ANKLE2: variants seen among roughly 807,000 people sequenced by gnomAD.
ANKLE2 encodes ankyrin repeat and LEM domain containing 2.
In ANKLE2, 55 loss-of-function variants were observed where a neutral mutation model predicts 84.2. That is an observed-to-expected ratio of 0.65 (90% confidence interval 0.53 to 0.82). The LOEUF is 0.82. ANKLE2 is among the 40% of genes least tolerant of loss of function. ANKLE2 has a pLI of 0.00. For synonymous variants in ANKLE2, 551 were observed against 486.1 expected (o/e 1.13, Z -1.76); for missense variants, 1,238 against 1,201.9 (o/e 1.03, Z -0.44).
chr12:132,761,683 G>A lies in ANKLE2; in HGVS notation c.116C>T (p.Pro39Leu). The change falls in exon 1 of 13, where the codon CCG becomes CTG. Residue 39 changes from proline to leucine, a missense_variant. Physicochemically the swap from Pro to Leu is moderately conservative, Grantham distance 98 (BLOSUM62 -3). Around this residue, in one of 3 missense-constraint regions of ANKLE2, gnomAD observed 422 missense variants for 394.5 expected, o/e 1.07. Transcript: ENST00000357997. ...GGTCCCGCTGCGGCCCAGACCTCCC[G>A]GCCGCGGGCCCAGCCGCCGCACCAG... is the stretch of plus-strand genomic sequence containing the variant. ...RWLVRRLGPR[P>L]GGLGRSGTPV... The A allele has an allele frequency of 2.2e-6, 3 of 1,344,674 alleles. No individual in the cohort carries two copies. The highest frequency in any genetic ancestry group is 2.9e-6 in the Non-Finnish European group (3 of 1,041,650). The allele number at this position is 1,344,674 out of a possible 1,614,324, so 83.3% of individuals were successfully genotyped here.
At position 132,748,240 on chromosome 12, in the gene ANKLE2, A is replaced by T. The variant is rs201657015; in HGVS notation, c.939T>A (p.Leu313=). 2.4e-5 allele frequency: 39 copies of T among 1,614,016 alleles called. No individual in the cohort carries two copies. Among genetic ancestry groups the T allele is most frequent in the Non-Finnish European group, 3.1e-5 (37 of 1,180,048 alleles). ...CCTCTCCCTTCTCCACAGCTTTCCG[A>T]AGCTTGGCGGTGAGGTCCTGCGTGC... ...NPRTQDLTAK[L]RKAVEKGEED... The change falls in exon 4 of 13, where the codon CTT becomes CTA. Residue 313 remains leucine, a synonymous_variant. Coordinates refer to ENST00000357997, the MANE Select transcript of ANKLE2 (RefSeq NM_015114.3).
At chr12:132,738,547 C>T (rs1199969001) in intron 7 of ANKLE2, 1 of 143,140 alleles carries the variant, frequency 7.0e-6, no homozygotes, top group Non-Finnish European at 1.5e-5. Flanking sequence ...TTTTTGGAAA[C>T]AGAGTCTCGC....
rs2043713793 is a variant in ANKLE2, at chr12:132,727,106, C to A, written c.*136G>T. On this transcript the variant is annotated 3_prime_UTR_variant, in exon 13 of 13. Coordinates refer to ENST00000357997, the MANE Select transcript of ANKLE2 (RefSeq NM_015114.3). ...TAAGTGTTATATAGAACATTTAAAT[C>A]TTCTAAAATTCTCACACCCTCAAAG... is the stretch of plus-strand genomic sequence containing the variant. The A allele has an allele frequency of 4.2e-6, 4 of 959,686 alleles. No individual in the cohort carries two copies. The highest frequency in any genetic ancestry group is 2.9e-6 in the Non-Finnish European group (2 of 682,692). 59.4% of individuals were successfully genotyped at this position (959,686 alleles called of 1,614,324 possible).
chr12:132,747,749 T>C, intron 5 of ANKLE2, 83 bp downstream of exon 5: 1 of 1,515,310 alleles, frequency 6.6e-7, no homozygotes, highest in Non-Finnish European at 8.9e-7. Context: ...TACTAATGAG[T>C]AACTTGTCGA....
intron 8 of ANKLE2, 69 bp downstream of exon 8, chr12:132,736,824 C>G: frequency 6.6e-7 from 1 of 1,504,384 alleles, no homozygotes. Flanking sequence ...AGGCAACAGG[C>G]TGGAACACCC....
In ANKLE2 at chr12:132,741,479, A is replaced by G. The variant is rs1438388456; in HGVS notation, c.1360T>C (p.Cys454Arg). Residue 454 changes from cysteine to arginine, a missense_variant, in exon 7 of 13, where the codon TGT becomes CGT. Cys to Arg is a radical substitution (Grantham distance 180). Transcript: ENST00000357997. ...ACAGATTTATTTTTGCTTCTTTCACAAATTACCTATTGGAAAAAAAAGTGT... is the reference window on the plus strand; with the variant it reads ...ACAGATTTATTTTTGCTTCTTTCACGAATTACCTATTGGAAAAAAAAGTGT... ...KYDKTPEDVI[C>R]ERSKNKSVEL... is the part of the protein sequence containing the mutation. 2 of 1,614,190 alleles carry G rather than the reference A, an allele frequency of 1.2e-6. No individual in the cohort carries two copies. The highest frequency in any genetic ancestry group is 1.7e-6 in the Non-Finnish European group (2 of 1,179,988).
intron 5 of ANKLE2, among the ~76,000 whole-genome samples, chr12:132,747,512 C>T (rs952465199): frequency 2.0e-5 from 3 of 152,190 alleles, no homozygotes; most frequent in South Asian, 2.1e-4. Context: ...CTGCCACTCC[C>T]GGGAGGGGAA....
At chr12:132,746,586 A>G (rs2044243728) in intron 5 of ANKLE2, among the ~76,000 whole-genome samples, 1 of 152,084 alleles carries the variant, frequency 6.6e-6, no homozygotes, top group Non-Finnish European at 1.5e-5. Context: ...TGTTGTACTA[A>G]TCTAGCTTTA....
intron 9 of ANKLE2, chr12:132,735,038 CTTTA>C (rs2043979857): frequency 3.4e-6 from 1 of 293,452 alleles, no homozygotes; most frequent in Non-Finnish European, 6.3e-6. Flanking sequence ...TTCCACGAAG[CTTTA>C]TTTGATTACA....
chr12:132,747,317 CCT>C (rs982149103), intron 5 of ANKLE2, among the ~76,000 whole-genome samples: 5 of 149,820 alleles, frequency 3.3e-5, no homozygotes, highest in African/African-American at 4.9e-5. Context: ...TGTCAGGCAG[CCT>C]CTCTCTCTCT....
intron 7 of ANKLE2, among the ~76,000 whole-genome samples, chr12:132,739,221 A>G (rs1044624590): frequency 2.0e-5 from 3 of 152,214 alleles, no homozygotes; most frequent in African/African-American, 7.2e-5. Flanking sequence ...GGTTACCTAT[A>G]TAACAAACCT....
chr12:132,739,281 TTTCCA>T (rs1287234440), intron 7 of ANKLE2, among the ~76,000 whole-genome samples: 3 of 152,176 alleles, frequency 2.0e-5, no homozygotes, highest in African/African-American at 4.8e-5. Context: ...AGTACGACAA[TTTCCA>T]TTCAAGAGTA....
rs552720016 is a variant in ANKLE2 at position 132,744,382 on chromosome 12, G to A, written c.1231-1106C>T. Among the ~76,000 whole-genome samples the A allele has an allele frequency of 8.5e-5, 13 of 152,208 alleles. No individual in the cohort carries two copies. In the East Asian group the frequency reaches 2.5e-3, roughly 29 times the overall value. On this transcript the variant is annotated intron_variant, in intron 5 of 12. Coordinates refer to ENST00000357997, the MANE Select transcript of ANKLE2 (RefSeq NM_015114.3). ...CAAGATTCTGGCTGTGAAGTGTCCGGTGGCATCGTATGCCATGGCAGCCAT... is the reference window on the plus strand; with the variant it reads ...CAAGATTCTGGCTGTGAAGTGTCCGATGGCATCGTATGCCATGGCAGCCAT...
At chr12:132,755,776 G>C (rs61951309) in intron 1 of ANKLE2, 7,139 of 151,898 alleles carry the variant, frequency 0.047, 287 homozygotes, top group Admixed American at 0.12. Flanking sequence ...GGCCAGGTTG[G>C]TCTTGCACTC....
At chr12:132,737,188 G>C (rs1171727200) in intron 7 of ANKLE2, 123 bp from the exon 8 acceptor site, 3 of 1,059,618 alleles carry the variant, frequency 2.8e-6, no homozygotes, top group East Asian at 2.6e-5. Flanking sequence ...CAACAGACGG[G>C]GCAGAGGGTG....
At chr12:132,733,655 A>G (rs1241747751) in intron 10 of ANKLE2, among the ~76,000 whole-genome samples, 1 of 146,462 alleles carries the variant, frequency 6.8e-6, no homozygotes, top group Non-Finnish European at 1.5e-5. Flanking sequence ...TCTGAAATAC[A>G]CTGTGTGAAG....
In ANKLE2 at chr12:132,725,873, G is replaced by A. The variant is rs2043690515; in HGVS notation, c.*1369C>T. The A allele has an allele frequency of 6.6e-6, 1 of 152,136 alleles. No individual in the cohort carries two copies. Among genetic ancestry groups the A allele is most frequent in the Non-Finnish European group, 1.5e-5 (1 of 68,014 alleles). The allele number at this position is 152,136 out of a possible 1,614,324, so 9.4% of individuals were successfully genotyped here. On this transcript the variant is annotated 3_prime_UTR_variant, in exon 13 of 13. Coordinates refer to ENST00000357997, the MANE Select transcript of ANKLE2 (RefSeq NM_015114.3). ...AGATCTTGTCTGCTACAAAACAAAT[G>A]AACACACCCTGTGTAACAAAATCGA...
intron 1 of ANKLE2, 24 bp from the exon 2 acceptor site, chr12:132,755,157 AAG>A (rs1464840385): frequency 4.5e-6 from 7 of 1,567,486 alleles, no homozygotes; most frequent in Non-Finnish European, 6.0e-6. Context: ...AAAAAAATCA[AAG>A]AGTCACAAAA....
intron 6 of ANKLE2, among the ~76,000 whole-genome samples, chr12:132,742,786 CCATCATCACCATCACCAT>C (rs1236892560): frequency 1.4e-5 from 2 of 143,426 alleles, no homozygotes; most frequent in African/African-American, 5.2e-5. Flanking sequence ...CTCACTACCA[CCATCATCACCATCACCAT>C]CATCATCACC....
Sources: gnomAD v4.1 joint callset for allele counts (sites outside exome capture counted in the v4.1 genomes callset) on GRCh38, gnomAD v4.1.1 for gene constraint, gnomAD v4.1.1 regional missense constraint, MANE v1.5 for transcripts, NCBI Gene and HGNC (gene_info 2026-07-23, HGNC 2026-07-21) for gene names.